The following SLCO4C1 variants were observed in gnomAD, a reference collection of about 807,000 sequenced individuals.
SLCO4C1 encodes organic anion transporter M1.
SLCO4C1 carries 58 observed loss-of-function variants against 72.1 expected under a neutral mutation model. The ratio of observed to expected loss-of-function variants is 0.80; its 90% CI spans 0.65 to 1.00. The LOEUF (loss-of-function observed/expected upper bound fraction) is 1.00. Among genes scored for constraint, SLCO4C1 ranks in the 50% least tolerant of loss-of-function variants. The pLI, the probability that SLCO4C1 is intolerant of heterozygous loss-of-function variation, is 0.00. For missense variants in SLCO4C1, 898 were observed against 857.9 expected, an observed-to-expected ratio of 1.05 and a Z score of -0.58; for synonymous variants, 297 against 312.5, an observed-to-expected ratio of 0.95 and a Z score of 0.52.
At chr5:102,281,324 T>C (rs1305645376) in intron 2 of SLCO4C1, among the ~76,000 whole-genome samples, 3 of 152,052 alleles carry the variant, frequency 2.0e-5, no homozygotes, top group African/African-American at 7.2e-5. Flanking sequence ...AAATGTAAAA[T>C]AGAAAACTAT....
intron 6 of SLCO4C1, 24 bp downstream of exon 6, chr5:102,260,189 A>T: frequency 1.1e-6 from 1 of 942,884 alleles, no homozygotes. Flanking sequence ...ACTGAGAGAG[A>T]GACAGAGAAG....
chr5:102,270,599 G>A, intron 3 of SLCO4C1, 25 bp downstream of exon 3: 2 of 1,563,778 alleles, frequency 1.3e-6, no homozygotes, highest in Non-Finnish European at 8.7e-7. Flanking sequence ...AAGTGATACT[G>A]AGACAGTTTA....
intron 8 of SLCO4C1, among the ~76,000 whole-genome samples, chr5:102,252,161 G>A (rs1748751583): frequency 6.6e-6 from 1 of 150,944 alleles, no homozygotes; most frequent in Non-Finnish European, 1.5e-5. Context: ...GGAGGGAGGA[G>A]GAGAAGCAAA....
chr5:102,242,270 T>C (rs916607080), intron 10 of SLCO4C1, among the ~76,000 whole-genome samples: 1 of 152,180 alleles, frequency 6.6e-6, no homozygotes, highest in Admixed American at 6.5e-5. Flanking sequence ...GTCTAGGCCA[T>C]AGGGACTGCA....
rs752357363 is a variant in SLCO4C1, at chr5:102,236,894, T to G, written c.2139A>C (p.Ala713=). 22 of 1,613,010 alleles carry G rather than the reference T, an allele frequency of 1.4e-5. No homozygotes were observed. The Admixed American group carries it at 3.7e-4, about 27-fold the overall frequency. Residue 713 remains alanine, a synonymous_variant, in exon 13 of 13, where the codon GCA becomes GCC. Transcript: ENST00000310954. ...TTACTATTTTGTTGAGATCCTGTTCTGCTAAAACATTAGTCACAACTGCAT... is the reference window on the plus strand; with the variant it reads ...TTACTATTTTGTTGAGATCCTGTTCGGCTAAAACATTAGTCACAACTGCAT... ...KENAVVTNVL[A]EQDLNKIVKE...
At position 102,239,281 on chromosome 5, in the gene SLCO4C1, T is replaced by A. The variant is rs781429631; in HGVS notation, c.1984A>T (p.Ile662Phe). 1.2e-6 allele frequency: 2 copies of A among 1,600,570 alleles called. No homozygotes were observed. The highest frequency in any genetic ancestry group is 2.3e-5 in the South Asian group (2 of 87,992). Residue 662 changes from isoleucine (I) to phenylalanine (F), a missense_variant, in exon 12 of 13, where the codon ATC becomes TTC. Coordinates refer to ENST00000310954, the MANE Select transcript of SLCO4C1 (RefSeq NM_180991.5). ...GCTACTAGCATATGGGCCATCTTGA[T>A]GTTATCATAAATCCAGCAAGCTCCT... ...IKGACWIYDNIKMAHMLVAIS... is the reference protein window; with the variant it reads ...IKGACWIYDNFKMAHMLVAIS...
chr5:102,287,392 T>G (rs1749473825), intron 2 of SLCO4C1, among the ~76,000 whole-genome samples: 1 of 152,150 alleles, frequency 6.6e-6, no homozygotes, highest in Non-Finnish European at 1.5e-5. Flanking sequence ...TAACTTAGTA[T>G]GAGTAATAAG....
chr5:102,289,974 G>A (rs895978142), intron 2 of SLCO4C1, among the ~76,000 whole-genome samples: 3 of 152,110 alleles, frequency 2.0e-5, no homozygotes, highest in Non-Finnish European at 2.9e-5. Flanking sequence ...TTGATCTTGG[G>A]AAAGATTAAT....
At chr5:102,285,782 C>T (rs546409452) in intron 2 of SLCO4C1, among the ~76,000 whole-genome samples, 4 of 152,226 alleles carry the variant, frequency 2.6e-5, no homozygotes, top group Admixed American at 2.0e-4. Flanking sequence ...ATCACCTCTT[C>T]TTATTACTCC....
At chr5:102,261,099 C>A (rs553327416) in intron 5 of SLCO4C1, among the ~76,000 whole-genome samples, 1 of 152,080 alleles carries the variant, frequency 6.6e-6, no homozygotes, top group Admixed American at 6.6e-5. Context: ...TCTTATTAAC[C>A]TTTTCTTTTT....
chr5:102,249,637 C>T lies in SLCO4C1; in HGVS notation c.1620+1G>A, dbSNP rs1208588758. ...AGGGAAAAGTAGGAGACATAAGCTA[C>T]CTTTGGCTTCCTGTGTGCAACTGGG... On this transcript the variant is annotated splice_donor_variant, in intron 9 of 12. Transcript: ENST00000310954. LOFTEE classifies it high-confidence loss of function. The T allele has an allele frequency of 1.9e-6, 3 of 1,613,306 alleles. No homozygotes were observed. Among genetic ancestry groups the T allele is most frequent in the Middle Eastern group, 1.6e-4 (1 of 6,080 alleles).
chr5:102,265,882 C>T (rs1749028351), intron 3 of SLCO4C1, among the ~76,000 whole-genome samples: 1 of 152,116 alleles, frequency 6.6e-6, no homozygotes, highest in African/African-American at 2.4e-5. Context: ...TGCATTGAAT[C>T]TGTACATTGC....
Position 102,273,954 on chromosome 5 carries a change from C to T in SLCO4C1, c.620-3148G>A, listed in dbSNP as rs531457234. On this transcript the variant is annotated intron_variant, in intron 2 of 12. Transcript: ENST00000310954. ...TCCACAGGTTCCATATCTGTGGATT[C>T]AACCAACCACAGATCAAAAATATTC... 5.1e-3 allele frequency among the ~76,000 whole-genome samples: 780 copies of T among 152,070 alleles called. 2 individuals are homozygous for T. The highest frequency in any genetic ancestry group is 8.7e-3 in the Non-Finnish European group (588 of 67,968).
In SLCO4C1 at chr5:102,291,323, T is replaced by C. The variant is rs841929; in HGVS notation, c.619+20A>G. 676,336 of 1,601,400 alleles carry C rather than the reference T, an allele frequency of 0.42. 148,053 individuals carry two copies. The highest frequency in any genetic ancestry group is 0.67 in the African/African-American group (49,684 of 73,956). On this transcript the variant is annotated intron_variant, in intron 2 of 12. Transcript: ENST00000310954. ...CCACTTCTTCAGATTAAAACAAACATAAACACAATAGAAACTTACCTTCAA... is the reference window on the plus strand; with the variant it reads ...CCACTTCTTCAGATTAAAACAAACACAAACACAATAGAAACTTACCTTCAA...
intron 2 of SLCO4C1, among the ~76,000 whole-genome samples, chr5:102,285,145 A>C (rs1367735286): frequency 6.6e-6 from 1 of 151,872 alleles, no homozygotes; most frequent in Non-Finnish European, 1.5e-5. Context: ...AACTTACTGA[A>C]TCAGGATTTC....
chr5:102,286,935 CTTTAGT>C (rs1432467039), intron 2 of SLCO4C1, among the ~76,000 whole-genome samples: 1 of 152,020 alleles, frequency 6.6e-6, no homozygotes, highest in African/African-American at 2.4e-5. Context: ...AGCTATATTA[CTTTAGT>C]TTCCTCTTAC....
Position 102,236,264 on chromosome 5 carries a change from T to C in SLCO4C1, c.*594A>G, listed in dbSNP as rs1748430024. ...CTAACATATTCTAATAGTTCAATAATTTGCTTGGAGAAAGGCCAGGCTAGT... is the reference window on the plus strand; with the variant it reads ...CTAACATATTCTAATAGTTCAATAACTTGCTTGGAGAAAGGCCAGGCTAGT... On this transcript the variant is annotated 3_prime_UTR_variant, in exon 13 of 13. Transcript: ENST00000310954. The C allele has an allele frequency of 6.6e-6, 1 of 152,360 alleles. No individual in the cohort carries two copies. The highest frequency in any genetic ancestry group is 2.4e-5 in the African/African-American group (1 of 41,446). The allele number at this position is 152,360 out of a possible 1,614,324, so 9.4% of individuals were successfully genotyped here.
At chr5:102,286,259 T>C (rs1252804297) in intron 2 of SLCO4C1, among the ~76,000 whole-genome samples, 1 of 152,100 alleles carries the variant, frequency 6.6e-6, no homozygotes, top group African/African-American at 2.4e-5. Flanking sequence ...TAGGAAAAAT[T>C]ATCTAATTAT....
At chr5:102,288,421 T>C (rs551220206) in intron 2 of SLCO4C1, among the ~76,000 whole-genome samples, 149 of 152,290 alleles carry the variant, frequency 9.8e-4, no homozygotes, top group African/African-American at 3.4e-3. Context: ...TAAAACACAC[T>C]GAGAATCATT....
Sources: gnomAD v4.1 joint callset for allele counts (sites outside exome capture counted in the v4.1 genomes callset) on GRCh38, gnomAD v4.1.1 for gene constraint, MANE v1.5 for transcripts, NCBI Gene and HGNC (gene_info 2026-07-23, HGNC 2026-07-21) for gene names.